The following GPC6 variants were observed in gnomAD, a reference collection of about 807,000 sequenced individuals.
GPC6 encodes the protein glypican-6.
Under a neutral mutation model 55.2 loss-of-function variants are expected in GPC6, and 14 were observed. That is an observed-to-expected ratio of 0.25 (90% CI 0.17 to 0.40). The LOEUF is 0.40. Among genes scored for constraint, GPC6 ranks in the 10% least tolerant of loss-of-function variants. The pLI is 1.00. For synonymous variants in GPC6, 278 were observed against 259.6 expected (o/e 1.07, Z -0.68); for missense variants, 641 against 708.5 (o/e 0.90, Z 1.08).
chr13:93,725,370 A>G (rs1171716441), intron 2 of GPC6, among the ~76,000 whole-genome samples: 1 of 152,070 alleles, frequency 6.6e-6, no homozygotes, highest in Admixed American at 6.6e-5. Flanking sequence ...TCAAGAACCA[A>G]CATAATAAGC....
intron 1 of GPC6, among the ~76,000 whole-genome samples, chr13:93,358,823 G>A (rs1289170958): frequency 1.3e-5 from 2 of 151,942 alleles, no homozygotes; most frequent in African/African-American, 4.8e-5. Context: ...TCAGAGCAGG[G>A]GTTTTGATTT....
rs543644094 is a variant in GPC6 at position 93,815,626 on chromosome 13, C to A, written c.320-14528C>A. 9.2e-5 allele frequency among the ~76,000 whole-genome samples: 14 copies of A among 152,184 alleles called. No individual in the cohort carries two copies. The East Asian group carries it at 2.3e-3, about 25-fold the overall frequency. On this transcript the variant is annotated intron_variant, in intron 2 of 8. Transcript: ENST00000377047. ...TGAGATTAATGAATTTGACATTTTT[C>A]TTTGAGAAGTATCCTGTGAATAACT...
At chr13:93,909,720 A>G (rs1227465487) in intron 3 of GPC6, among the ~76,000 whole-genome samples, 4 of 14,614 alleles carry the variant, frequency 2.7e-4, no homozygotes, top group Non-Finnish European at 8.5e-4. Context: ...GATTTTAGGA[A>G]AAAAAAAATC....
intron 4 of GPC6, among the ~76,000 whole-genome samples, chr13:94,273,579 G>T (rs187471820): frequency 3.9e-5 from 6 of 152,302 alleles, no homozygotes; most frequent in Non-Finnish European, 8.8e-5. Flanking sequence ...GGTGAAGCAC[G>T]TGGAATTTAG....
intron 2 of GPC6, among the ~76,000 whole-genome samples, chr13:93,759,536 A>G (rs1884888782): frequency 6.6e-6 from 1 of 152,196 alleles, no homozygotes; most frequent in African/African-American, 2.4e-5. Context: ...CAAAATCAAT[A>G]TAGCTTCTTG....
chr13:93,724,195 G>C (rs912236384), intron 2 of GPC6, among the ~76,000 whole-genome samples: 1 of 151,940 alleles, frequency 6.6e-6, no homozygotes, highest in Admixed American at 6.6e-5. Flanking sequence ...CCCATGTAGG[G>C]ACAGCAGTTG....
chr13:94,113,752 A>G (rs1186237037), intron 4 of GPC6, among the ~76,000 whole-genome samples: 1 of 151,986 alleles, frequency 6.6e-6, no homozygotes, highest in Non-Finnish European at 1.5e-5. Flanking sequence ...CGGGCATAGT[A>G]TCTCACGCCT....
At chr13:94,102,579 A>G (rs1885906793) in intron 4 of GPC6, among the ~76,000 whole-genome samples, 1 of 151,296 alleles carries the variant, frequency 6.6e-6, no homozygotes, top group Admixed American at 6.6e-5. Flanking sequence ...GAGTTCCTGC[A>G]TTATGCATCC....
At chr13:93,774,601 A>T (rs1885405600) in intron 2 of GPC6, among the ~76,000 whole-genome samples, 1 of 152,204 alleles carries the variant, frequency 6.6e-6, no homozygotes. Flanking sequence ...CTTTAATAAT[A>T]CCATGTTATA....
chr13:93,860,318 C>G (rs1396500350), intron 3 of GPC6, among the ~76,000 whole-genome samples: 1 of 151,634 alleles, frequency 6.6e-6, no homozygotes, highest in East Asian at 2.0e-4. Flanking sequence ...TTATTAGCGC[C>G]AGGCTCACAG....
intron 1 of GPC6, among the ~76,000 whole-genome samples, chr13:93,262,953 CAA>C (rs953189629): frequency 2.5e-4 from 38 of 152,232 alleles, no homozygotes; most frequent in African/African-American, 8.7e-4. Flanking sequence ...GAGGCATACT[CAA>C]GAGAGAGTCA....
chr13:93,506,427 A>G (rs1880715995), intron 1 of GPC6, among the ~76,000 whole-genome samples: 1 of 152,176 alleles, frequency 6.6e-6, no homozygotes, highest in African/African-American at 2.4e-5. Context: ...TATTACTCAA[A>G]TGATCATTAT....
At chr13:93,546,066 T>C (rs1874772162) in intron 2 of GPC6, among the ~76,000 whole-genome samples, 1 of 152,228 alleles carries the variant, frequency 6.6e-6, no homozygotes, top group Admixed American at 6.5e-5. Flanking sequence ...AGTTTGAAAA[T>C]ATTCAAAAGT....
intron 4 of GPC6, among the ~76,000 whole-genome samples, chr13:94,034,963 G>T (rs1883283278): frequency 6.6e-6 from 1 of 150,672 alleles, no homozygotes; most frequent in South Asian, 2.1e-4. Context: ...ACTAAAGTAC[G>T]ACTTATGCCT....
At chr13:93,419,084 C>T (rs1289013525) in intron 1 of GPC6, among the ~76,000 whole-genome samples, 1 of 149,172 alleles carries the variant, frequency 6.7e-6, no homozygotes, top group Non-Finnish European at 1.5e-5. Context: ...GCTTTTCATA[C>T]CTAAATTTCT....
chr13:94,110,858 A>C (rs539290842), intron 4 of GPC6, among the ~76,000 whole-genome samples: 1 of 152,264 alleles, frequency 6.6e-6, no homozygotes, highest in Non-Finnish European at 1.5e-5. Context: ...AAAATGTACA[A>C]GAATTTTTGT....
intron 1 of GPC6, among the ~76,000 whole-genome samples, chr13:93,543,946 T>A (rs1882433962): frequency 6.6e-6 from 1 of 152,144 alleles, no homozygotes; most frequent in Non-Finnish European, 1.5e-5. Flanking sequence ...GAGTTTCCTT[T>A]TCCCTGAATC....
At chr13:93,808,432 A>G (rs1886600985) in intron 2 of GPC6, among the ~76,000 whole-genome samples, 1 of 152,236 alleles carries the variant, frequency 6.6e-6, no homozygotes. Context: ...CTTTAAGTAC[A>G]TAATAACTCC....
intron 2 of GPC6, among the ~76,000 whole-genome samples, chr13:93,588,002 A>T (rs1422071208): frequency 6.6e-6 from 1 of 152,150 alleles, no homozygotes; most frequent in Non-Finnish European, 1.5e-5. Flanking sequence ...CCTCCCTCCC[A>T]TACTGGGATT....
Sources: gnomAD v4.1 joint callset for allele counts (sites outside exome capture counted in the v4.1 genomes callset) on GRCh38, gnomAD v4.1.1 for gene constraint, MANE v1.5 for transcripts, NCBI Gene and HGNC (gene_info 2026-07-23, HGNC 2026-07-21) for gene names.